GALNT13: variants seen among roughly 807,000 people sequenced by gnomAD.
GALNT13 encodes the protein polypeptide N-acetylgalactosaminyltransferase 13.
In GALNT13, 28 loss-of-function variants were observed where a neutral mutation model predicts 64.2. The ratio of observed to expected loss-of-function variants is 0.44; its 90% confidence interval spans 0.32 to 0.60. GALNT13 has a LOEUF of 0.60. Among genes scored for constraint, GALNT13 ranks in the 20% least tolerant of loss-of-function variants. The probability of loss-of-function intolerance (pLI) is 0.05; values close to 1 mark genes in which losing one functional copy is unlikely to be tolerated. For synonymous variants in GALNT13, 214 were observed against 224.6 expected, an observed-to-expected ratio of 0.95 and a Z score of 0.42; for missense variants, 577 against 669.8, an observed-to-expected ratio of 0.86 and a Z score of 1.53.
At chr2:153,725,713 G>A in the GALNT13 span, among the ~76,000 whole-genome samples, 34 of 150,874 alleles carry the variant, frequency 2.3e-4, no homozygotes, top group East Asian at 6.2e-3. Flanking sequence ...TGAGGAAGAT[G>A]GATGCTACTG....
chr2:153,429,372 T>C, the GALNT13 span, among the ~76,000 whole-genome samples: 1 of 152,340 alleles, frequency 6.6e-6, no homozygotes, highest in Admixed American at 6.5e-5. Flanking sequence ...GTGAATTGAA[T>C]ACCTTTTAAT....
Position 154,345,474 on chromosome 2 carries a change from A to G in GALNT13, c.1156+43885A>G, listed in dbSNP as rs1239061749. Among the ~76,000 whole-genome samples, 3 of 152,052 alleles carry G rather than the reference A, an allele frequency of 2.0e-5. No individual in the cohort carries two copies. The East Asian group carries it at 5.8e-4, about 29-fold the overall frequency. On this transcript the variant is annotated intron_variant, in intron 9 of 12. Coordinates refer to ENST00000392825, the MANE Select transcript of GALNT13 (RefSeq NM_052917.4). ...TGCACTGTTCACTATAGTAGTCACT[A>G]GCTATACCTGGCTTCTGAGTGCGTA...
intron 3 of GALNT13, among the ~76,000 whole-genome samples, chr2:153,946,054 G>T (rs148417818): frequency 6.6e-6 from 1 of 152,234 alleles, no homozygotes; most frequent in African/African-American, 2.4e-5. Context: ...GGAATGATTT[G>T]CTGATCTTTA....
chr2:154,127,699 C>T (rs1682368985), intron 3 of GALNT13, among the ~76,000 whole-genome samples: 1 of 144,112 alleles, frequency 6.9e-6, no homozygotes, highest in African/African-American at 2.6e-5. Context: ...TATCCATATC[C>T]ACACACACAC....
At chr2:153,171,826 AT>A in the GALNT13 span, among the ~76,000 whole-genome samples, 1 of 152,138 alleles carries the variant, frequency 6.6e-6, no homozygotes, top group African/African-American at 2.4e-5. Context: ...AAATTGAGTT[AT>A]TTTCTGTTAA....
chr2:153,709,067 T>C, the GALNT13 span, among the ~76,000 whole-genome samples: 1 of 151,980 alleles, frequency 6.6e-6, no homozygotes, highest in Non-Finnish European at 1.5e-5. Flanking sequence ...ATGACATTGG[T>C]CTGCGCAATA....
At chr2:153,292,834 T>A in the GALNT13 span, among the ~76,000 whole-genome samples, 22,614 of 152,146 alleles carry the variant, frequency 0.15, 2,135 homozygotes, top group Non-Finnish European at 0.22. Flanking sequence ...ACAACCGGTA[T>A]AATTCCCATC....
intron 2 of GALNT13, among the ~76,000 whole-genome samples, chr2:153,933,136 C>T (rs1690651667): frequency 6.6e-6 from 1 of 152,032 alleles, no homozygotes; most frequent in Admixed American, 6.6e-5. Flanking sequence ...CTGTTAGGTA[C>T]ATTTGGTCAA....
At chr2:153,478,489 G>C in the GALNT13 span, 5 of 1,612,122 alleles carry the variant, frequency 3.1e-6, no homozygotes, top group Non-Finnish European at 4.2e-6. Flanking sequence ...GCAGCGCACG[G>C]CTCGCTCCAG....
the GALNT13 span, among the ~76,000 whole-genome samples, chr2:153,219,594 T>C: frequency 6.6e-6 from 1 of 152,260 alleles, no homozygotes; most frequent in Non-Finnish European, 1.5e-5. Context: ...TGTGTTGATA[T>C]TTGGCATCTG....
At chr2:153,269,231 T>C in the GALNT13 span, among the ~76,000 whole-genome samples, 13 of 152,216 alleles carry the variant, frequency 8.5e-5, no homozygotes, top group African/African-American at 3.1e-4. Flanking sequence ...GGAATGCATA[T>C]GACTAAACAC....
chr2:154,387,433 A>G (rs1299918483), intron 9 of GALNT13, among the ~76,000 whole-genome samples: 2 of 152,104 alleles, frequency 1.3e-5, no homozygotes, highest in Non-Finnish European at 2.9e-5. Context: ...TTGCTTACCT[A>G]TTATTTTTAG....
At chr2:153,196,826 A>C in the GALNT13 span, among the ~76,000 whole-genome samples, 1 of 151,862 alleles carries the variant, frequency 6.6e-6, no homozygotes, top group African/African-American at 2.4e-5. Context: ...GGAGCATGGC[A>C]CCACCCTGGG....
At chr2:153,712,256 G>T in the GALNT13 span, among the ~76,000 whole-genome samples, 1 of 152,144 alleles carries the variant, frequency 6.6e-6, no homozygotes, top group Non-Finnish European at 1.5e-5. Context: ...TATGCTATTA[G>T]ATGTGACATT....
At chr2:153,794,671 C>A in the GALNT13 span, among the ~76,000 whole-genome samples, 18 of 152,072 alleles carry the variant, frequency 1.2e-4, no homozygotes, top group African/African-American at 1.7e-4. Flanking sequence ...CAGGCGCCCA[C>A]CACTGCGCCC....
At chr2:153,619,425 C>T in the GALNT13 span, among the ~76,000 whole-genome samples, 3 of 152,052 alleles carry the variant, frequency 2.0e-5, no homozygotes, top group Non-Finnish European at 4.4e-5. Flanking sequence ...AGTCTTTCTA[C>T]TTAGGGCATG....
the GALNT13 span, among the ~76,000 whole-genome samples, chr2:153,613,749 T>G: frequency 6.6e-6 from 1 of 152,126 alleles, no homozygotes; most frequent in African/African-American, 2.4e-5. Context: ...CTTGTGATAG[T>G]TTGCTGAGAA....
chr2:153,881,782 A>G (rs1686803422), intron 1 of GALNT13, among the ~76,000 whole-genome samples: 1 of 152,188 alleles, frequency 6.6e-6, no homozygotes, highest in Admixed American at 6.5e-5. Flanking sequence ...CACAAACAGA[A>G]CAGGATATAA....
chr2:153,806,640 C>T, the GALNT13 span, among the ~76,000 whole-genome samples: 5 of 140,384 alleles, frequency 3.6e-5, no homozygotes, highest in Non-Finnish European at 3.1e-5. Context: ...AGGGGTTGAA[C>T]ATGAGTCTGA....
Sources: allele counts gnomAD v4.1 joint callset (sites outside exome capture counted in the v4.1 genomes callset), GRCh38; gene constraint gnomAD v4.1.1; transcripts MANE v1.5; gene names NCBI Gene and HGNC (gene_info 2026-07-23, HGNC 2026-07-21).